MAFA: variants seen among roughly 807,000 people sequenced by gnomAD.
MAFA encodes transcription factor MafA.
For missense variants in MAFA, 547 were observed against 538.0 expected, an observed-to-expected ratio of 1.02 and a Z score of -0.16; for synonymous variants, 244 against 260.3, an observed-to-expected ratio of 0.94 and a Z score of 0.60.
Position 143,428,930 on chromosome 8 carries a change from A to C in MAFA, c.*415T>G, listed in dbSNP as rs1272613474. On this transcript the variant is annotated 3_prime_UTR_variant, in exon 1 of 1. Transcript: ENST00000333480. ...TAAAACGGGGAGGGGAAGTTAAAAAAGGCAAGGAAAGGGAGGCTGAGAAGA... is the reference window on the plus strand; with the variant it reads ...TAAAACGGGGAGGGGAAGTTAAAAACGGCAAGGAAAGGGAGGCTGAGAAGA... The C allele has an allele frequency of 6.3e-6, 1 of 158,670 alleles. No homozygotes were observed. The highest frequency in any genetic ancestry group is 2.4e-5 in the African/African-American group (1 of 41,624). 9.8% of individuals were successfully genotyped at this position (158,670 alleles called of 1,614,324 possible). A position where few individuals can be genotyped will look rare whatever the true frequency, so the allele number is the denominator to read the frequency against.
chr8:143,429,835 GCGTGGTGCGCGC>G lies in MAFA; in HGVS notation c.560_571del (p.Gly187_His190del), dbSNP rs1298814082. On this transcript the variant is annotated inframe_deletion, in exon 1 of 1. Coordinates refer to ENST00000333480, the MANE Select transcript of MAFA (RefSeq NM_201589.4). The surrounding 1 kb of genome is among the most constrained non-coding windows in gnomAD (Gnocchi z 5.9). ...GTGGGCGGCGTGGTGATGGTGGGCG[GCGTGGTGCGCGC>G]CGTGGTGGTGGCCGGCGCCCATGTC... 2 of 1,452,234 alleles carry G rather than the reference GCGTGGTGCGCGC, an allele frequency of 1.4e-6. No homozygotes were observed. The highest frequency in any genetic ancestry group is 2.9e-5 in the East Asian group (1 of 34,336). 90.0% of individuals were successfully genotyped at this position (1,452,234 alleles called of 1,614,324 possible). A position where few individuals can be genotyped will look rare whatever the true frequency, so the allele number is the denominator to read the frequency against.
Position 143,429,902 on chromosome 8 carries a change from G to A in MAFA, c.505C>T (p.Pro169Ser), listed in dbSNP as rs1234961198. The A allele has an allele frequency of 9.2e-6, 12 of 1,300,014 alleles. No homozygotes were observed. The highest frequency in any genetic ancestry group is 1.6e-5 in the African/African-American group (1 of 62,912). The allele number at this position is 1,300,014 out of a possible 1,614,324, so 80.5% of individuals were successfully genotyped here. A position where few individuals can be genotyped will look rare whatever the true frequency, so the allele number is the denominator to read the frequency against. ...AAAAYEAFRG[P>S]GFAGGGGADD... is the part of the protein sequence containing the mutation. ...GCTCCGCCGCCGCCCGCGAAGCCCGGGCCGCGGAAAGCCTCGTAGGCTGCG... is the reference window on the plus strand; with the variant it reads ...GCTCCGCCGCCGCCCGCGAAGCCCGAGCCGCGGAAAGCCTCGTAGGCTGCG... The change falls in exon 1 of 1, where the codon CCG becomes TCG. Residue 169 changes from proline (P) to serine (S), a missense_variant. By Grantham distance (74) the Pro-to-Ser change is moderately conservative (BLOSUM62 -1). Transcript: ENST00000333480. The surrounding 1 kb of genome is among the most constrained non-coding windows in gnomAD (Gnocchi z 5.9).
chr8:143,429,905 C>T lies in MAFA; in HGVS notation c.502G>A (p.Gly168Ser). 1 of 1,295,600 alleles carries T rather than the reference C, an allele frequency of 7.7e-7. No homozygotes were observed. The highest frequency in any genetic ancestry group is 2.3e-5 in the South Asian group (1 of 42,828). 80.3% of individuals were successfully genotyped at this position (1,295,600 alleles called of 1,614,324 possible). Residue 168 changes from glycine to serine, a missense_variant, in exon 1 of 1, where the codon GGC becomes AGC. Physicochemically the swap from Gly to Ser is moderately conservative, Grantham distance 56. Transcript: ENST00000333480. The surrounding 1 kb of genome is among the most constrained non-coding windows in gnomAD (Gnocchi z 5.9). ...CCGCCGCCGCCCGCGAAGCCCGGGCCGCGGAAAGCCTCGTAGGCTGCGGCG... is the reference window on the plus strand; with the variant it reads ...CCGCCGCCGCCCGCGAAGCCCGGGCTGCGGAAAGCCTCGTAGGCTGCGGCG... ...AAAAAYEAFRGPGFAGGGGAD... is the reference protein window; with the variant it reads ...AAAAAYEAFRSPGFAGGGGAD...
rs770823921 is a variant in MAFA, at chr8:143,429,410, G to A, written c.997C>T (p.Arg333Trp). The A allele has an allele frequency of 3.9e-5, 58 of 1,500,750 alleles. No individual in the cohort carries two copies. In the Middle Eastern group the frequency reaches 1.0e-3, roughly 26 times the overall value. The allele number at this position is 1,500,750 out of a possible 1,614,324, so 93.0% of individuals were successfully genotyped here. A position where few individuals can be genotyped will look rare whatever the true frequency, so the allele number is the denominator to read the frequency against. Residue 333 changes from arginine (R) to tryptophan (W), a missense_variant, in exon 1 of 1, where the codon CGG (arginine) becomes TGG (tryptophan). Physicochemically the swap from Arg to Trp is moderately radical, Grantham distance 101. Transcript: ENST00000333480. This position sits in a 1 kb window ranked among gnomAD's most constrained non-coding sequence, Gnocchi z 5.9. ...CCGGCCTGCGGCGGCGAAGGCTCCC[G>A]CGGGAAACCGGCCCCGCCCGCGCTC... ...PGSAGGAGFPREPSPPQAGPG... is the reference protein window; with the variant it reads ...PGSAGGAGFPWEPSPPQAGPG...
chr8:143,428,701 G>C lies in MAFA; in HGVS notation c.*644C>G, dbSNP rs1265471460. The C allele has an allele frequency of 1.3e-5, 2 of 152,042 alleles. No individual in the cohort carries two copies. The highest frequency in any genetic ancestry group is 6.5e-5 in the Admixed American group (1 of 15,270). 9.4% of individuals were successfully genotyped at this position (152,042 alleles called of 1,614,324 possible). On this transcript the variant is annotated 3_prime_UTR_variant, in exon 1 of 1. Coordinates refer to ENST00000333480, the MANE Select transcript of MAFA (RefSeq NM_201589.4). ...CAGCACGGGTGACGTCCCTGGCTTC[G>C]ACCTCCAAGGAACGCCGGTAGCAGG...
In MAFA at chr8:143,429,149, C is replaced by G; in HGVS notation, c.*196G>C. On this transcript the variant is annotated 3_prime_UTR_variant, in exon 1 of 1. Coordinates refer to ENST00000333480, the MANE Select transcript of MAFA (RefSeq NM_201589.4). This position sits in a 1 kb window ranked among gnomAD's most constrained non-coding sequence, Gnocchi z 5.9. ...TCTCCGCTCAACCTCAGGACGGCGA[C>G]CCGGGCCGACGCGCGCGAACGGGGA... The G allele has an allele frequency of 1.8e-6, 1 of 570,246 alleles. No homozygotes were observed. Among genetic ancestry groups the G allele is most frequent in the Non-Finnish European group, 2.5e-6 (1 of 395,424 alleles). 35.3% of individuals were successfully genotyped at this position (570,246 alleles called of 1,614,324 possible). A position where few individuals can be genotyped will look rare whatever the true frequency, so the allele number is the denominator to read the frequency against.
At position 143,429,583 on chromosome 8, in the gene MAFA, C is replaced by T. The variant is rs375787953; in HGVS notation, c.824G>A (p.Arg275Gln). ...RGYAQSCRFK[R>Q]VQQRHILESE... Reference sequence around the variant, plus strand: ...CTCCAGAATGTGCCGCTGCTGCACCCGCTTGAAGCGGCAGGACTGCGCGTA... The same window carrying T: ...CTCCAGAATGTGCCGCTGCTGCACCTGCTTGAAGCGGCAGGACTGCGCGTA... The change falls in exon 1 of 1, where the codon CGG (arginine) becomes CAG (glutamine). Residue 275 changes from arginine to glutamine, a missense_variant. Physicochemically the swap from Arg to Gln is conservative, Grantham distance 43. Transcript: ENST00000333480. The surrounding 1 kb of genome is among the most constrained non-coding windows in gnomAD (Gnocchi z 5.9). 1.2e-5 allele frequency: 20 copies of T among 1,603,202 alleles called. No individual in the cohort carries two copies. In the African/African-American group the frequency reaches 2.1e-4, roughly 17 times the overall value.
chr8:143,429,839 G>A lies in MAFA; in HGVS notation c.568C>T (p.His190Tyr), dbSNP rs755010855. The A allele has an allele frequency of 3.5e-6, 5 of 1,443,534 alleles. No individual in the cohort carries two copies. The highest frequency in any genetic ancestry group is 4.5e-6 in the Non-Finnish European group (5 of 1,104,238). 89.4% of individuals were successfully genotyped at this position (1,443,534 alleles called of 1,614,324 possible). ...MGAGHHHGAH[H>Y]AAHHHHAAHH... ...GCGGCGTGGTGATGGTGGGCGGCGT[G>A]GTGCGCGCCGTGGTGGTGGCCGGCG... is the stretch of plus-strand genomic sequence containing the variant. The change falls in exon 1 of 1, where the codon CAC becomes TAC. Residue 190 changes from histidine to tyrosine, a missense_variant. Transcript: ENST00000333480. This position sits in a 1 kb window ranked among gnomAD's most constrained non-coding sequence, Gnocchi z 5.9.
Position 143,430,157 on chromosome 8 carries a change from C to T in MAFA, c.250G>A (p.Gly84Ser). 1.8e-6 allele frequency: 2 copies of T among 1,100,824 alleles called. No homozygotes were observed. The highest frequency in any genetic ancestry group is 2.2e-6 in the Non-Finnish European group (2 of 908,832). The allele number at this position is 1,100,824 out of a possible 1,614,324, so 68.2% of individuals were successfully genotyped here. ...GTGGGGGAGG[G>S]GGSSQAGGAP... is the part of the protein sequence containing the mutation. ...CCCCCGGCCTGAGACGAGCCGCCGCCGCCCCCCGCGCCGCCGCCGCCGCCG... is the reference window on the plus strand; with the variant it reads ...CCCCCGGCCTGAGACGAGCCGCCGCTGCCCCCCGCGCCGCCGCCGCCGCCG... Residue 84 changes from glycine to serine, a missense_variant, in exon 1 of 1, where the codon GGC becomes AGC. Coordinates refer to ENST00000333480, the MANE Select transcript of MAFA (RefSeq NM_201589.4).
rs1315446699 is a variant in MAFA at position 143,430,689 on chromosome 8, C to T, written c.-283G>A. On this transcript the variant is annotated 5_prime_UTR_variant, in exon 1 of 1. Transcript: ENST00000333480. ...GCCTCGGGCTGCTCCGGGACCGCTC[C>T]CGCGCCCCACCCGCGCCGCCGGCCG... Among the ~76,000 whole-genome samples, 2 of 136,034 alleles carry T rather than the reference C, an allele frequency of 1.5e-5. No individual in the cohort carries two copies. Among genetic ancestry groups the T allele is most frequent in the African/African-American group, 5.1e-5 (2 of 39,440 alleles). The allele number at this position is 136,034 out of a possible 152,430, so 89.2% of individuals were successfully genotyped here.
chr8:143,429,971 C>G lies in MAFA; in HGVS notation c.436G>C (p.Gly146Arg), dbSNP rs1344529699. The change falls in exon 1 of 1, where the codon GGC becomes CGC. Residue 146 changes from glycine (G) to arginine (R), a missense_variant. Physicochemically the swap from Gly to Arg is moderately radical, Grantham distance 125 (BLOSUM62 -2). Transcript: ENST00000333480. This position sits in a 1 kb window ranked among gnomAD's most constrained non-coding sequence, Gnocchi z 5.9. ...GCGCCGTGGTGCGCGCCGTGGTGGC[C>G]GCTGCCGATGAGCGCCTCCACCGCG... ...EDAVEALIGSGHHGAHHGAHH... is the reference protein window; with the variant it reads ...EDAVEALIGSRHHGAHHGAHH... The G allele has an allele frequency of 1.5e-6, 2 of 1,299,560 alleles. No homozygotes were observed. The highest frequency in any genetic ancestry group is 2.0e-6 in the Non-Finnish European group (2 of 1,020,838). The allele number at this position is 1,299,560 out of a possible 1,614,324, so 80.5% of individuals were successfully genotyped here.
Position 143,429,569 on chromosome 8 carries a change from GC to G in MAFA, c.837del (p.His280ThrfsTer17). On this transcript the variant is annotated frameshift_variant, in exon 1 of 1. Coordinates refer to ENST00000333480, the MANE Select transcript of MAFA (RefSeq NM_201589.4). LOFTEE classifies it low-confidence loss of function (END_TRUNC). The surrounding 1 kb of genome is among the most constrained non-coding windows in gnomAD (Gnocchi z 5.9). ...QSCRFKRVQQ[R>X]HILESEKCQL... ...TGGCACTTCTCGCTCTCCAGAATGT[GC>G]CGCTGCTGCACCCGCTTGAAGCGGC... 1 of 1,604,192 alleles carries G rather than the reference GC, an allele frequency of 6.2e-7. No individual in the cohort carries two copies. Among genetic ancestry groups the G allele is most frequent in the Non-Finnish European group, 8.5e-7 (1 of 1,179,502 alleles).
Position 143,428,972 on chromosome 8 carries a change from G to A in MAFA, c.*373C>T, listed in dbSNP as rs756102533. Reference sequence around the variant, plus strand: ...CTGAGAAGAGAACGAAGGAGGGCGGGGGCAGGCAGGGGCCACCCGGGAAGG... The same window carrying A: ...CTGAGAAGAGAACGAAGGAGGGCGGAGGCAGGCAGGGGCCACCCGGGAAGG... On this transcript the variant is annotated 3_prime_UTR_variant, in exon 1 of 1. Coordinates refer to ENST00000333480, the MANE Select transcript of MAFA (RefSeq NM_201589.4). 1.5e-4 allele frequency: 26 copies of A among 177,082 alleles called. No individual in the cohort carries two copies. The highest frequency in any genetic ancestry group is 2.7e-4 in the Non-Finnish European group (23 of 84,870). The allele number at this position is 177,082 out of a possible 1,614,324, so 11.0% of individuals were successfully genotyped here. A position where few individuals can be genotyped will look rare whatever the true frequency, so the allele number is the denominator to read the frequency against.
Position 143,430,370 on chromosome 8 carries a change from TG to T in MAFA, c.36del (p.Ser13AlafsTer14). 1 of 1,414,056 alleles carries T rather than the reference TG, an allele frequency of 7.1e-7. No homozygotes were observed. The allele number at this position is 1,414,056 out of a possible 1,614,324, so 87.6% of individuals were successfully genotyped here. ...ACGTACTCGATGGCCAGCGGGCTGCTGGGCAGCTCGGCGCCCATCGCCAGCT... is the reference window on the plus strand; with the variant it reads ...ACGTACTCGATGGCCAGCGGGCTGCTGGCAGCTCGGCGCCCATCGCCAGCT... ...AAELAMGAEL[P>X]SSPLAIEYVN... On this transcript the variant is annotated frameshift_variant, in exon 1 of 1. Coordinates refer to ENST00000333480, the MANE Select transcript of MAFA (RefSeq NM_201589.4). LOFTEE classifies it low-confidence loss of function (END_TRUNC).
chr8:143,430,340 CG>C lies in MAFA; in HGVS notation c.66del (p.Asn22LysfsTer5). On this transcript the variant is annotated frameshift_variant, in exon 1 of 1. Transcript: ENST00000333480. LOFTEE classifies it low-confidence loss of function (END_TRUNC). ...ACCTCGAACTTCATCAGGTCGAAGT[CG>C]TTGACGTACTCGATGGCCAGCGGGC... is the stretch of plus-strand genomic sequence containing the variant. ...PSSPLAIEYV[N>X]DFDLMKFEVK... 2 of 1,443,104 alleles carry C rather than the reference CG, an allele frequency of 1.4e-6. No individual in the cohort carries two copies. The allele number at this position is 1,443,104 out of a possible 1,614,324, so 89.4% of individuals were successfully genotyped here. A position where few individuals can be genotyped will look rare whatever the true frequency, so the allele number is the denominator to read the frequency against.
rs1338144460 is a variant in MAFA, at chr8:143,429,374, C to G, written c.1033G>C (p.Ala345Pro). ...PSPPQAGPGG[A>P]KGTADFFL is the part of the protein sequence containing the mutation. ...AGGAAGAAGTCGGCCGTGCCCTTGG[C>G]CCCGCCGGGACCGGCCTGCGGCGGC... Residue 345 changes from alanine (A) to proline (P), a missense_variant, in exon 1 of 1, where the codon GCC becomes CCC. Physicochemically the swap from Ala to Pro is conservative, Grantham distance 27. Coordinates refer to ENST00000333480, the MANE Select transcript of MAFA (RefSeq NM_201589.4). The surrounding 1 kb of genome is among the most constrained non-coding windows in gnomAD (Gnocchi z 5.9). 2.1e-6 allele frequency: 3 copies of G among 1,405,932 alleles called. No individual in the cohort carries two copies. Among genetic ancestry groups the G allele is most frequent in the Non-Finnish European group, 2.7e-6 (3 of 1,091,352 alleles). The allele number at this position is 1,405,932 out of a possible 1,614,324, so 87.1% of individuals were successfully genotyped here. A position where few individuals can be genotyped will look rare whatever the true frequency, so the allele number is the denominator to read the frequency against.
rs748761183 is a variant in MAFA, at chr8:143,429,513, C to T, written c.894G>A (p.Leu298=). 5.0e-6 allele frequency: 8 copies of T among 1,605,482 alleles called. No individual in the cohort carries two copies. The highest frequency in any genetic ancestry group is 1.7e-5 in the Admixed American group (1 of 59,914). ...QLQSQVEQLK[L]EVGRLAKERD... is the part of the protein sequence containing the mutation. ...GCTCTTTGGCCAGGCGCCCCACCTC[C>T]AGCTTCAGCTGCTCCACCTGGCTCT... Residue 298 remains leucine (L), a synonymous_variant, in exon 1 of 1, where the codon CTG becomes CTA. Coordinates refer to ENST00000333480, the MANE Select transcript of MAFA (RefSeq NM_201589.4). This position sits in a 1 kb window ranked among gnomAD's most constrained non-coding sequence, Gnocchi z 5.9.
chr8:143,429,210 G>C lies in MAFA; in HGVS notation c.*135C>G, dbSNP rs1034779896. The stretch of plus-strand genomic sequence containing the variant: ...AGGGGCCTCCAGCCCCGCGCCCGCA[G>C]ACTTGGCACCGGGGCCAGCACGGCC... On this transcript the variant is annotated 3_prime_UTR_variant, in exon 1 of 1. Coordinates refer to ENST00000333480, the MANE Select transcript of MAFA (RefSeq NM_201589.4). This position sits in a 1 kb window ranked among gnomAD's most constrained non-coding sequence, Gnocchi z 5.9. 12 of 1,133,334 alleles carry C rather than the reference G, an allele frequency of 1.1e-5. No individual in the cohort carries two copies. In the African/African-American group the frequency reaches 1.9e-4, roughly 18 times the overall value. The allele number at this position is 1,133,334 out of a possible 1,614,324, so 70.2% of individuals were successfully genotyped here. A position where few individuals can be genotyped will look rare whatever the true frequency, so the allele number is the denominator to read the frequency against.
In MAFA at chr8:143,429,496, G is replaced by C; in HGVS notation, c.911C>G (p.Ala304Gly). The change falls in exon 1 of 1, where the codon GCC becomes GGC. Residue 304 changes from alanine to glycine, a missense_variant. Coordinates refer to ENST00000333480, the MANE Select transcript of MAFA (RefSeq NM_201589.4). This position sits in a 1 kb window ranked among gnomAD's most constrained non-coding sequence, Gnocchi z 5.9. ...EQLKLEVGRLAKERDLYKEKY... is the reference protein window; with the variant it reads ...EQLKLEVGRLGKERDLYKEKY... ...CTCCTTGTACAGGTCCCGCTCTTTG[G>C]CCAGGCGCCCCACCTCCAGCTTCAG... The C allele has an allele frequency of 6.2e-7, 1 of 1,604,838 alleles. No homozygotes were observed. The highest frequency in any genetic ancestry group is 8.5e-7 in the Non-Finnish European group (1 of 1,179,320).
Sources: allele counts gnomAD v4.1 joint callset (sites outside exome capture counted in the v4.1 genomes callset), GRCh38; gene constraint gnomAD v4.1.1; non-coding constraint Gnocchi (gnomAD v3.1); transcripts MANE v1.5; gene names NCBI Gene and HGNC (gene_info 2026-07-23, HGNC 2026-07-21).